The following ACVR1 variants were observed in gnomAD, a reference collection of about 807,000 sequenced individuals.
The protein encoded by ACVR1 is activin A receptor type 1, also known as activin receptor type-1.
A neutral mutation model predicts 57.1 loss-of-function variants in ACVR1; 38 were observed. The observed-to-expected ratio is 0.67, with a 90% CI of 0.51 to 0.87. The LOEUF is 0.87. Ranked by LOEUF, ACVR1 falls within the 40% of genes least tolerant of loss-of-function variation. The pLI, the probability that ACVR1 is intolerant of heterozygous loss-of-function variation, is 0.00. For synonymous variants in ACVR1, 212 were observed against 228.1 expected (o/e 0.93, Z 0.63); for missense variants, 463 against 638.2 (o/e 0.73, Z 2.96).
chr2:157,871,562 T>A (rs750809136), intron 1 of ACVR1, among the ~76,000 whole-genome samples: 9 of 152,136 alleles, frequency 5.9e-5, no homozygotes, highest in Non-Finnish European at 8.8e-5. Context: ...AAAGGCCAAA[T>A]ACCCAGAGTC....
intron 1 of ACVR1, among the ~76,000 whole-genome samples, chr2:157,833,776 T>C (rs559088788): frequency 3.3e-5 from 5 of 152,308 alleles, no homozygotes; most frequent in African/African-American, 1.2e-4. Flanking sequence ...TCTAACACTG[T>C]CAGGAAGGAA....
intron 9 of ACVR1, among the ~76,000 whole-genome samples, chr2:157,754,114 C>T (rs561575667): frequency 6.6e-6 from 1 of 152,098 alleles, no homozygotes; most frequent in South Asian, 2.1e-4. Context: ...AAAGGTAGTG[C>T]TAAGAGGAAA....
chr2:157,807,097 T>C (rs982414398), intron 2 of ACVR1: 2 of 151,952 alleles, frequency 1.3e-5, no homozygotes, highest in Non-Finnish European at 2.9e-5. Context: ...ACCCTAGATA[T>C]GGTTTGGGAA....
At chr2:157,781,910 A>G (rs1686538184) in intron 3 of ACVR1, among the ~76,000 whole-genome samples, 1 of 152,186 alleles carries the variant, frequency 6.6e-6, no homozygotes, top group African/African-American at 2.4e-5. Context: ...CACTGTTCAT[A>G]TTAGGAAATT....
chr2:157,750,491 C>T (rs1419397148), intron 9 of ACVR1, among the ~76,000 whole-genome samples: 1 of 152,190 alleles, frequency 6.6e-6, no homozygotes, highest in Non-Finnish European at 1.5e-5. Context: ...GACTCACAGA[C>T]ACCACTGATG....
intron 3 of ACVR1, among the ~76,000 whole-genome samples, chr2:157,791,849 C>T (rs1686926269): frequency 6.6e-6 from 1 of 152,042 alleles, no homozygotes; most frequent in Non-Finnish European, 1.5e-5. Flanking sequence ...TGAACTGGGA[C>T]GTGAAGTTAA....
intron 8 of ACVR1, among the ~76,000 whole-genome samples, chr2:157,763,396 CA>C (rs1022060967): frequency 3.3e-5 from 5 of 152,154 alleles, no homozygotes; most frequent in African/African-American, 1.2e-4. Context: ...TTTAAGTGAT[CA>C]TTATAACATT....
intron 5 of ACVR1, 130 bp downstream of exon 5, chr2:157,778,001 A>G (rs1686355799): frequency 3.1e-6 from 3 of 972,504 alleles, no homozygotes; most frequent in Non-Finnish European, 4.8e-6. Context: ...TGTTTAGGAC[A>G]TAAGTAACCA....
At chr2:157,819,554 C>G (rs1574106431) in intron 1 of ACVR1, 2 of 151,990 alleles carry the variant, frequency 1.3e-5, no homozygotes, top group African/African-American at 4.8e-5. Context: ...AAGTCTTTCT[C>G]CCGTTCCAAG....
intron 9 of ACVR1, among the ~76,000 whole-genome samples, chr2:157,746,914 A>G (rs1025199511): frequency 2.6e-5 from 4 of 152,224 alleles, no homozygotes; most frequent in African/African-American, 7.2e-5. Flanking sequence ...CTTAACTCTC[A>G]TTTCCTGTAA....
chr2:157,855,154 G>A (rs1321849659), intron 1 of ACVR1, among the ~76,000 whole-genome samples: 3 of 150,796 alleles, frequency 2.0e-5, no homozygotes, highest in Non-Finnish European at 3.0e-5. Flanking sequence ...AGTGGCTGAC[G>A]CCTGTAATCT....
At chr2:157,856,799 C>A (rs1689550177) in intron 1 of ACVR1, among the ~76,000 whole-genome samples, 1 of 152,086 alleles carries the variant, frequency 6.6e-6, no homozygotes, top group African/African-American at 2.4e-5. Context: ...CAAAACATGC[C>A]AAGCAATACT....
At chr2:157,761,271 C>T (rs887702668) in intron 8 of ACVR1, among the ~76,000 whole-genome samples, 194 bp from the exon 9 acceptor site, 2 of 152,060 alleles carry the variant, frequency 1.3e-5, no homozygotes, top group Admixed American at 1.3e-4. Context: ...GACTAAATGT[C>T]AGAAACATTC....
chr2:157,841,128 T>C (rs966567983), intron 1 of ACVR1, among the ~76,000 whole-genome samples: 1 of 152,224 alleles, frequency 6.6e-6, no homozygotes, highest in Non-Finnish European at 1.5e-5. Context: ...ACTCTCCTCT[T>C]GTCCATACTT....
intron 2 of ACVR1, among the ~76,000 whole-genome samples, chr2:157,801,583 G>T (rs1687329419): frequency 6.6e-6 from 1 of 152,118 alleles, no homozygotes; most frequent in African/African-American, 2.4e-5. Context: ...TTGAAAAACG[G>T]ATTTGCAACT....
intron 1 of ACVR1, among the ~76,000 whole-genome samples, chr2:157,869,004 C>T (rs1690029654): frequency 6.6e-6 from 1 of 152,140 alleles, no homozygotes. Context: ...TATTTCTGAA[C>T]AATATATGGG....
At chr2:157,781,397 T>C (rs1408060082) in intron 3 of ACVR1, among the ~76,000 whole-genome samples, 1 of 152,246 alleles carries the variant, frequency 6.6e-6, no homozygotes, top group Non-Finnish European at 1.5e-5. Flanking sequence ...CTGTACAATC[T>C]ATAATTACAA....
At chr2:157,851,956 C>G (rs913115512) in intron 1 of ACVR1, among the ~76,000 whole-genome samples, 85 of 127,412 alleles carry the variant, frequency 6.7e-4, no homozygotes, top group African/African-American at 1.9e-3. Context: ...TAGGCACTTC[C>G]GAAACATGTA....
rs567728222 is a variant in ACVR1, at chr2:157,800,526, C to A, written c.-7-1026G>T. Reference sequence around the variant, plus strand: ...ATTTTTTTGGCTGGCGGTCTGTTTACAAACCATACCTCCATCATATCTTAC... The same window carrying A: ...ATTTTTTTGGCTGGCGGTCTGTTTAAAAACCATACCTCCATCATATCTTAC... On this transcript the variant is annotated intron_variant, in intron 2 of 10. Transcript: ENST00000434821. Among the ~76,000 whole-genome samples the A allele has an allele frequency of 3.0e-4, 46 of 152,102 alleles. 2 individuals carry two copies. Among genetic ancestry groups the A allele is most frequent in the Admixed American group, 1.7e-3 (26 of 15,272 alleles).
Sources: allele counts gnomAD v4.1 joint callset (sites outside exome capture counted in the v4.1 genomes callset), GRCh38; gene constraint gnomAD v4.1.1; transcripts MANE v1.5; gene names NCBI Gene and HGNC (gene_info 2026-07-23, HGNC 2026-07-21).